Variants in SYN2 observed in about 807,000 individuals in gnomAD.
The protein encoded by SYN2 is synapsin II.
SYN2 carries 19 observed loss-of-function variants against 50.9 expected under a neutral mutation model. The observed-to-expected ratio is 0.37, with a 90% CI of 0.26 to 0.55. The LOEUF (loss-of-function observed/expected upper bound fraction) is 0.55. Among genes scored for constraint, SYN2 ranks in the 20% least tolerant of loss-of-function variants. The pLI, the probability that SYN2 is intolerant of heterozygous loss-of-function variation, is 0.81. For synonymous variants in SYN2, 255 were observed against 224.9 expected, an observed-to-expected ratio of 1.13 and a Z score of -1.20; for missense variants, 587 against 576.4, an observed-to-expected ratio of 1.02 and a Z score of -0.19.
chr3:12,122,615 G>A (rs912321579), intron 1 of SYN2, among the ~76,000 whole-genome samples: 1 of 152,142 alleles, frequency 6.6e-6, no homozygotes, highest in Non-Finnish European at 1.5e-5. Context: ...GTCCATCTCA[G>A]CCTATGTGCT....
intron 1 of SYN2, among the ~76,000 whole-genome samples, chr3:12,140,121 T>C (rs1268792314): frequency 6.6e-6 from 1 of 152,250 alleles, no homozygotes. Context: ...TAATTTCCTC[T>C]CATTCATTGA....
chr3:12,128,666 T>C (rs1696724565), intron 1 of SYN2, among the ~76,000 whole-genome samples: 1 of 152,188 alleles, frequency 6.6e-6, no homozygotes, highest in South Asian at 2.1e-4. Context: ...GATGGTCCCA[T>C]CATACGTTGG....
intron 1 of SYN2, among the ~76,000 whole-genome samples, chr3:12,087,736 C>G (rs1587385): frequency 0.13 from 19,483 of 151,948 alleles, 2,056 homozygotes; most frequent in African/African-American, 0.3. Context: ...CTAGGTGACA[C>G]AGTGAGGCCC....
At chr3:12,070,765 C>T (rs528413225) in intron 1 of SYN2, 6 of 699,420 alleles carry the variant, frequency 8.6e-6, no homozygotes, top group South Asian at 5.6e-5. Context: ...TGCCGTCCTG[C>T]ATCTGGACCT....
chr3:12,033,757 C>G (rs1033921831), intron 1 of SYN2, among the ~76,000 whole-genome samples: 5 of 152,178 alleles, frequency 3.3e-5, no homozygotes, highest in African/African-American at 1.2e-4. Flanking sequence ...ATAAATGGAA[C>G]CATACAATAT....
At chr3:12,162,426 A>G (rs549645152) in intron 7 of SYN2, among the ~76,000 whole-genome samples, 17 of 152,226 alleles carry the variant, frequency 1.1e-4, no homozygotes, top group Non-Finnish European at 1.9e-4. Context: ...GGAGTTTGTC[A>G]CTAAAGGTGA....
At chr3:12,166,912 A>G (rs1208491418) in intron 7 of SYN2, among the ~76,000 whole-genome samples, 1 of 152,250 alleles carries the variant, frequency 6.6e-6, no homozygotes, top group Non-Finnish European at 1.5e-5. Context: ...AATAAAAAGT[A>G]GATTTAAGAT....
chr3:12,190,814 A>T lies in SYN2; in HGVS notation c.*189A>T. The T allele has an allele frequency of 1.5e-6, 2 of 1,354,888 alleles. No individual in the cohort carries two copies. Among genetic ancestry groups the T allele is most frequent in the Non-Finnish European group, 1.9e-6 (2 of 1,060,740 alleles). 83.9% of individuals were successfully genotyped at this position (1,354,888 alleles called of 1,614,324 possible). A position where few individuals can be genotyped will look rare whatever the true frequency, so the allele number is the denominator to read the frequency against. ...TTTGACAGTCTCAGGGCAGGTGCCT[A>T]CCCAGCAAGGGGTACCTGGCATCAG... On this transcript the variant is annotated 3_prime_UTR_variant, in exon 13 of 13. Coordinates refer to ENST00000621198, the MANE Select transcript of SYN2 (RefSeq NM_133625.6).
rs753227147 is a variant in SYN2 at position 12,162,028 on chromosome 3, A to G, written c.854A>G (p.His285Arg). The G allele has an allele frequency of 1.2e-5, 20 of 1,613,868 alleles. No homozygotes were observed. Among genetic ancestry groups the G allele is most frequent in the Non-Finnish European group, 2.5e-6 (3 of 1,179,898 alleles). The change falls in exon 7 of 13, where the codon CAC (histidine) becomes CGC (arginine). Residue 285 changes from histidine to arginine, a missense_variant. His to Arg is a conservative substitution (Grantham distance 29). Transcript: ENST00000621198. ...SGMGKVKVEN[H>R]YDFQDIASVV... Reference sequence around the variant, plus strand: ...TAACATTAGGTCAAAGTGGAAAACCACTACGACTTCCAGGACATTGCCAGC... The same window carrying G: ...TAACATTAGGTCAAAGTGGAAAACCGCTACGACTTCCAGGACATTGCCAGC...
At chr3:12,168,546 C>T in intron 9 of SYN2, 68 bp downstream of exon 9, 1 of 1,339,108 alleles carries the variant, frequency 7.5e-7, no homozygotes, top group Non-Finnish European at 1.1e-6. Context: ...GCTCAGACTG[C>T]CTTTAATTTG....
At chr3:12,184,483 A>G (rs1030841711) in intron 11 of SYN2, 2 of 985,748 alleles carry the variant, frequency 2.0e-6, no homozygotes, top group African/African-American at 3.5e-5. Flanking sequence ...AGGCCTCATA[A>G]TGGGAGACCA....
chr3:12,070,878 G>T, intron 1 of SYN2: 1 of 570,558 alleles, frequency 1.8e-6, no homozygotes. Flanking sequence ...ACATCAAGGA[G>T]AAGCCGTGCT....
chr3:12,042,611 T>A (rs116639891), intron 1 of SYN2, among the ~76,000 whole-genome samples: 2,418 of 152,282 alleles, frequency 0.016, 57 homozygotes, highest in African/African-American at 0.055. Flanking sequence ...TTGAATAGTG[T>A]TCCTTTCTGC....
intron 3 of SYN2, among the ~76,000 whole-genome samples, chr3:12,144,481 GC>G (rs1697100038): frequency 6.6e-6 from 1 of 152,182 alleles, no homozygotes; most frequent in African/African-American, 2.4e-5. Context: ...GGTGAAGGGA[GC>G]CAAGTACTGT....
intron 1 of SYN2, among the ~76,000 whole-genome samples, chr3:12,088,944 A>T (rs160216): frequency 0.99 from 151,169 of 152,296 alleles, 75,029 homozygotes; most frequent in Middle Eastern, 1. Flanking sequence ...GGAATAAGTT[A>T]TAGTGATCTA....
chr3:12,103,222 A>G (rs1241894874), intron 1 of SYN2, among the ~76,000 whole-genome samples: 3 of 152,172 alleles, frequency 2.0e-5, no homozygotes, highest in Non-Finnish European at 2.9e-5. Context: ...CAGTCTTTCA[A>G]GAATCAGGAT....
intron 1 of SYN2, among the ~76,000 whole-genome samples, chr3:12,034,983 C>T (rs147452047): frequency 5.9e-5 from 9 of 152,214 alleles, no homozygotes; most frequent in South Asian, 2.1e-4. Context: ...CAGTTCATCC[C>T]GAGGTAAGTT....
chr3:12,122,862 T>C (rs1696589992), intron 1 of SYN2, among the ~76,000 whole-genome samples: 1 of 151,660 alleles, frequency 6.6e-6, no homozygotes, highest in East Asian at 1.9e-4. Context: ...TTTAAAATTG[T>C]AGGAACAAGA....
chr3:12,021,862 C>G (rs549985045), intron 1 of SYN2, among the ~76,000 whole-genome samples: 2 of 151,224 alleles, frequency 1.3e-5, no homozygotes, highest in South Asian at 2.1e-4. Flanking sequence ...CTCAGGAGCT[C>G]GAGACCAGCC....
Sources: allele counts gnomAD v4.1 joint callset (sites outside exome capture counted in the v4.1 genomes callset), GRCh38; gene constraint gnomAD v4.1.1; transcripts MANE v1.5; gene names NCBI Gene and HGNC (gene_info 2026-07-23, HGNC 2026-07-21).